Variants in ZNF134 observed in about 807,000 individuals in gnomAD.
ZNF134 encodes zinc finger protein 134 (clone pHZ-15).
Under a neutral mutation model 2.5 loss-of-function variants are expected in ZNF134, and 5 were observed. That is an observed-to-expected ratio of 2.03 (90% confidence interval 1.06 to 4.27). The LOEUF is 4.27. Among genes scored for constraint, ZNF134 ranks in the 30% most tolerant of loss-of-function variants. The pLI, the probability that ZNF134 is intolerant of heterozygous loss-of-function variation, is 0.00. For synonymous variants in ZNF134, 176 were observed against 176.2 expected (o/e 1.00, Z 0.01); for missense variants, 540 against 517.5 (o/e 1.04, Z -0.42).
rs765578784 is a variant in ZNF134, at chr19:57,620,490, A to G, written c.371A>G (p.Glu124Gly). ...GTGAAGAACTGCACAGTTAGCAAAG[A>G]ACCTCATCCGTCAGAGAAGCCCTTT... ...SIVKNCTVSK[E>G]PHPSEKPFTC... Residue 124 changes from glutamate (E) to glycine (G), a missense_variant, in exon 3 of 3, where the codon GAA becomes GGA. By Grantham distance (98) the Glu-to-Gly change is moderately conservative. Coordinates refer to ENST00000396161, the MANE Select transcript of ZNF134 (RefSeq NM_003435.5). The G allele has an allele frequency of 8.7e-6, 14 of 1,614,110 alleles. No individual in the cohort carries two copies. The highest frequency in any genetic ancestry group is 1.2e-5 in the Non-Finnish European group (14 of 1,180,046).
rs546928361 is a variant in ZNF134 at position 57,620,908 on chromosome 19, T to C, written c.789T>C (p.Asn263=). Residue 263 remains asparagine, a synonymous_variant, in exon 3 of 3, where the codon AAT becomes AAC. Coordinates refer to ENST00000396161, the MANE Select transcript of ZNF134 (RefSeq NM_003435.5). The part of the protein sequence containing the change: ...IHTGEMPYKC[N]ECGKYFSHHS... ...CTGGAGAAATGCCTTATAAGTGCAA[T>C]GAATGTGGGAAATATTTTAGCCATC... The C allele has an allele frequency of 3.1e-6, 5 of 1,614,206 alleles. No individual in the cohort carries two copies. Among genetic ancestry groups the C allele is most frequent in the African/African-American group, 2.7e-5 (2 of 75,050 alleles).
chr19:57,620,074 C>T, intron 2 of ZNF134, 86 bp from the exon 3 acceptor site: 1 of 1,500,136 alleles, frequency 6.7e-7, no homozygotes, highest in South Asian at 1.3e-5. Context: ...GTACTCAGTC[C>T]TGGGTACAGC....
intron 1 of ZNF134, among the ~76,000 whole-genome samples, chr19:57,618,608 G>C (rs1239662839): frequency 6.6e-6 from 1 of 152,114 alleles, no homozygotes; most frequent in African/African-American, 2.4e-5. Flanking sequence ...TGCCTGTTCT[G>C]AGCTGGACAA....
rs1475016986 is a variant in ZNF134 at position 57,620,317 on chromosome 19, T to A, written c.198T>A (p.Asp66Glu). The change falls in exon 3 of 3, where the codon GAT (aspartate) becomes GAA (glutamate). Residue 66 changes from aspartate (D) to glutamate (E), a missense_variant. By Grantham distance (45) the Asp-to-Glu change is conservative. Transcript: ENST00000396161. ...GPILKDILHLDEHQGTHHGLK... is the reference protein window; with the variant it reads ...GPILKDILHLEEHQGTHHGLK... ...TCTTGAAAGATATTTTGCACCTGGA[T>A]GAACACCAGGGTACACACCATGGAC... 2 of 1,614,178 alleles carry A rather than the reference T, an allele frequency of 1.2e-6. No homozygotes were observed. Among genetic ancestry groups the A allele is most frequent in the Admixed American group, 3.3e-5 (2 of 60,024 alleles).
chr19:57,617,738 C>T (rs897402545), intron 1 of ZNF134, among the ~76,000 whole-genome samples: 14 of 152,110 alleles, frequency 9.2e-5, no homozygotes, highest in African/African-American at 3.4e-4. Context: ...GTCATGGTGA[C>T]AGTGCCATCA....
At chr19:57,616,233 G>C (rs1407397333) in intron 1 of ZNF134, among the ~76,000 whole-genome samples, 1 of 152,224 alleles carries the variant, frequency 6.6e-6, no homozygotes, top group Non-Finnish European at 1.5e-5. Context: ...AGGTAGGCTG[G>C]TTTAGTGCAA....
rs775049555 is a variant in ZNF134 at position 57,621,483 on chromosome 19, TATG to T, written c.*81_*83del. The stretch of plus-strand genomic sequence containing the variant: ...GAACATTGACACAAAGGAGATACCT[TATG>T]GTGCCAGGTACGTGGGAACCTTCTA... On this transcript the variant is annotated 3_prime_UTR_variant, in exon 3 of 3. Transcript: ENST00000396161. 1 of 1,593,018 alleles carries T rather than the reference TATG, an allele frequency of 6.3e-7. No individual in the cohort carries two copies. The highest frequency in any genetic ancestry group is 8.5e-7 in the Non-Finnish European group (1 of 1,172,030).
At chr19:57,619,311 C>T in intron 1 of ZNF134, 101 bp from the exon 2 acceptor site, 1 of 928,138 alleles carries the variant, frequency 1.1e-6, no homozygotes, top group South Asian at 1.5e-5. Flanking sequence ...TTCTGAGGTT[C>T]ATTTTGTAGC....
At chr19:57,618,090 A>G (rs2079033) in intron 1 of ZNF134, among the ~76,000 whole-genome samples, 40,432 of 152,012 alleles carry the variant, frequency 0.27, 6,516 homozygotes, top group African/African-American at 0.45. Flanking sequence ...CAGTGAGTGT[A>G]GGTTTTGAAT....
chr19:57,621,001 GAA>G lies in ZNF134; in HGVS notation c.884_885del (p.Lys295SerfsTer12). ...GGCCTTATAAGTGCAGTGATTGTGG[GAA>G]AGTCTTCAGACACAAATCTACACTT... Reference protein sequence around the residue: ...ARPYKCSDCGKVFRHKSTLVQ... With the variant: ...ARPYKCSDCGXVFRHKSTLVQ... On this transcript the variant is annotated frameshift_variant, in exon 3 of 3. Transcript: ENST00000396161. LOFTEE classifies it low-confidence loss of function (END_TRUNC). The G allele has an allele frequency of 6.2e-7, 1 of 1,614,196 alleles. No homozygotes were observed. Among genetic ancestry groups the G allele is most frequent in the Non-Finnish European group, 8.5e-7 (1 of 1,180,036 alleles).
At position 57,621,148 on chromosome 19, in the gene ZNF134, G is replaced by GT. The variant is rs1568630869; in HGVS notation, c.1032dup (p.Glu345Ter). 1 of 1,614,228 alleles carries GT rather than the reference G, an allele frequency of 6.2e-7. No individual in the cohort carries two copies. Among genetic ancestry groups the GT allele is most frequent in the Non-Finnish European group, 8.5e-7 (1 of 1,180,046 alleles). On this transcript the variant is annotated frameshift_variant, in exon 3 of 3. Coordinates refer to ENST00000396161, the MANE Select transcript of ZNF134 (RefSeq NM_003435.5). LOFTEE classifies it low-confidence loss of function (END_TRUNC). ...AGCGAATTCACACTGAGTCAAAGCC[G>GT]TTTGAGTGCATTGAATGCGGGAAAT...
Position 57,624,287 on chromosome 19 carries a change from T to G in ZNF134, c.*2884T>G, listed in dbSNP as rs1420432864. 1 of 152,102 alleles carries G rather than the reference T, an allele frequency of 6.6e-6. No individual in the cohort carries two copies. Among genetic ancestry groups the G allele is most frequent in the African/African-American group, 2.4e-5 (1 of 41,402 alleles). The allele number at this position is 152,102 out of a possible 1,614,324, so 9.4% of individuals were successfully genotyped here. A position where few individuals can be genotyped will look rare whatever the true frequency, so the allele number is the denominator to read the frequency against. On this transcript the variant is annotated 3_prime_UTR_variant, in exon 3 of 3. Coordinates refer to ENST00000396161, the MANE Select transcript of ZNF134 (RefSeq NM_003435.5). The stretch of plus-strand genomic sequence containing the variant: ...TTTTGTTTGGGAGCAGATAACTAGT[T>G]TTCTAGTTTTACAGATCCAAATGAG...
At chr19:57,615,405 G>A (rs966448661) in intron 1 of ZNF134, among the ~76,000 whole-genome samples, 3 of 152,044 alleles carry the variant, frequency 2.0e-5, no homozygotes, top group South Asian at 2.1e-4. Context: ...AGGGATGAAG[G>A]GGTGGACACT....
Position 57,621,224 on chromosome 19 carries a change from G to A in ZNF134, c.1105G>A (p.Glu369Lys). 1 of 1,614,190 alleles carries A rather than the reference G, an allele frequency of 6.2e-7. No individual in the cohort carries two copies. The highest frequency in any genetic ancestry group is 8.5e-7 in the Non-Finnish European group (1 of 1,180,026). ...TGCACACCAGAGGGTTCACACTGGT[G>A]AAAGGCCTTTTGTGTGCAGTAAATG... ...YIAHQRVHTG[E>K]RPFVCSKCGK... Residue 369 changes from glutamate (E) to lysine (K), a missense_variant, in exon 3 of 3, where the codon GAA becomes AAA. By Grantham distance (56) the Glu-to-Lys change is moderately conservative (BLOSUM62 1). Coordinates refer to ENST00000396161, the MANE Select transcript of ZNF134 (RefSeq NM_003435.5).
chr19:57,618,582 G>A (rs1047186139), intron 1 of ZNF134, among the ~76,000 whole-genome samples: 2 of 152,158 alleles, frequency 1.3e-5, no homozygotes, highest in Non-Finnish European at 1.5e-5. Flanking sequence ...GGCCCATGGT[G>A]TTTTATCTGT....
At position 57,624,629 on chromosome 19, in the gene ZNF134, A is replaced by G. The variant is rs762826302; in HGVS notation, c.*3226A>G. On this transcript the variant is annotated 3_prime_UTR_variant, in exon 3 of 3. Coordinates refer to ENST00000396161, the MANE Select transcript of ZNF134 (RefSeq NM_003435.5). ...GAACACCCATACAATTAGAAACCCA[A>G]ACTTTGTTTTGCATGACTTGCTCTC... The G allele has an allele frequency of 1.9e-4, 29 of 152,286 alleles. No homozygotes were observed. The highest frequency in any genetic ancestry group is 1.5e-3 in the South Asian group (7 of 4,826). The allele number at this position is 152,286 out of a possible 1,614,324, so 9.4% of individuals were successfully genotyped here. A position where few individuals can be genotyped will look rare whatever the true frequency, so the allele number is the denominator to read the frequency against.
rs1233544003 is a variant in ZNF134 at position 57,624,679 on chromosome 19, T to C, written c.*3276T>C. 1 of 152,242 alleles carries C rather than the reference T, an allele frequency of 6.6e-6. No homozygotes were observed. The highest frequency in any genetic ancestry group is 1.5e-5 in the Non-Finnish European group (1 of 68,056). The allele number at this position is 152,242 out of a possible 1,614,324, so 9.4% of individuals were successfully genotyped here. A position where few individuals can be genotyped will look rare whatever the true frequency, so the allele number is the denominator to read the frequency against. On this transcript the variant is annotated 3_prime_UTR_variant, in exon 3 of 3. Transcript: ENST00000396161. ...CAGGGGCACTCCCACACTTCTCTCT[T>C]GTGTGTACTTTTGCTTCACAATAAA...
rs1981213023 is a variant in ZNF134, at chr19:57,621,325, C to A, written c.1206C>A (p.Cys402Ter). ...RVHTGERPYE[C>*]SECGKAYSLS... is the part of the protein sequence containing the mutation. Reference sequence around the variant, plus strand: ...ACACTGGAGAAAGGCCATATGAGTGCAGTGAATGTGGGAAGGCCTACAGCT... The same window carrying A: ...ACACTGGAGAAAGGCCATATGAGTGAAGTGAATGTGGGAAGGCCTACAGCT... The change falls in exon 3 of 3, where the codon TGC becomes TGA. Residue 402 changes from cysteine to a stop codon, truncating the protein, a stop_gained. Coordinates refer to ENST00000396161, the MANE Select transcript of ZNF134 (RefSeq NM_003435.5). LOFTEE classifies it low-confidence loss of function (END_TRUNC). 1 of 1,614,186 alleles carries A rather than the reference C, an allele frequency of 6.2e-7. No individual in the cohort carries two copies. Among genetic ancestry groups the A allele is most frequent in the Non-Finnish European group, 8.5e-7 (1 of 1,180,030 alleles).
chr19:57,619,077 A>G (rs891560702), intron 1 of ZNF134, among the ~76,000 whole-genome samples: 1 of 152,048 alleles, frequency 6.6e-6, no homozygotes. Flanking sequence ...TGCTGCCCTG[A>G]AGCCTTGCCA....
Sources: allele counts gnomAD v4.1 joint callset (sites outside exome capture counted in the v4.1 genomes callset), GRCh38; gene constraint gnomAD v4.1.1; transcripts MANE v1.5; gene names NCBI Gene and HGNC (gene_info 2026-07-23, HGNC 2026-07-21).